Variants in PPP1R3A observed in about 807,000 individuals in gnomAD.
PPP1R3A encodes the protein protein phosphatase 1 regulatory subunit 3A, also known as RG1.
PPP1R3A carries 29 observed loss-of-function variants against 41.7 expected under a neutral mutation model. The ratio of observed to expected loss-of-function variants is 0.70; its 90% confidence interval spans 0.52 to 0.95. The LOEUF is 0.95. Among genes scored for constraint, PPP1R3A ranks in the 40% least tolerant of loss-of-function variants. PPP1R3A has a pLI of 0.00. For synonymous variants in PPP1R3A, 485 were observed against 453.4 expected, an observed-to-expected ratio of 1.07 and a Z score of -0.89; for missense variants, 1,352 against 1,292.4, an observed-to-expected ratio of 1.05 and a Z score of -0.71.
At chr7:113,901,777 C>A (rs545916114) in intron 1 of PPP1R3A, among the ~76,000 whole-genome samples, 14 of 151,750 alleles carry the variant, frequency 9.2e-5, no homozygotes, top group African/African-American at 2.9e-4. Flanking sequence ...CCCCTGAAAA[C>A]CAACATACTC....
At chr7:113,904,071 T>C (rs1241685075) in intron 1 of PPP1R3A, among the ~76,000 whole-genome samples, 3 of 151,754 alleles carry the variant, frequency 2.0e-5, no homozygotes, top group Non-Finnish European at 4.4e-5. Flanking sequence ...TGTTTCACTC[T>C]ATTTGGTAAA....
Position 113,880,115 on chromosome 7 carries a change from T to G in PPP1R3A, c.977A>C (p.His326Pro). 6.3e-7 allele frequency: 1 copy of G among 1,593,434 alleles called. No individual in the cohort carries two copies. Among genetic ancestry groups the G allele is most frequent in the Non-Finnish European group, 8.6e-7 (1 of 1,162,016 alleles). Residue 326 changes from histidine to proline, a missense_variant, in exon 4 of 4, where the codon CAC (histidine) becomes CCC (proline). By Grantham distance (77) the His-to-Pro change is moderately conservative (BLOSUM62 -2). Coordinates refer to ENST00000284601, the MANE Select transcript of PPP1R3A (RefSeq NM_002711.4). ...EKELELMINQ[H>P]LIRTRSTASR... ...AGCAGTACTTCTGGTTCTTATTAAGTGTTGATTTATCTTATGGGATAAAAA... is the reference window on the plus strand; with the variant it reads ...AGCAGTACTTCTGGTTCTTATTAAGGGTTGATTTATCTTATGGGATAAAAA...
chr7:113,877,476 C>T lies in PPP1R3A; in HGVS notation c.*247G>A. ...TTCATAGCCTGCTAAGGAGCAACAG[C>T]TGTACCTAATTTCAACTTGACGTGC... is the stretch of plus-strand genomic sequence containing the variant. On this transcript the variant is annotated 3_prime_UTR_variant, in exon 4 of 4. Coordinates refer to ENST00000284601, the MANE Select transcript of PPP1R3A (RefSeq NM_002711.4). 2 of 372,812 alleles carry T rather than the reference C, an allele frequency of 5.4e-6. No individual in the cohort carries two copies. The highest frequency in any genetic ancestry group is 9.6e-6 in the Non-Finnish European group (2 of 209,358). 23.1% of individuals were successfully genotyped at this position (372,812 alleles called of 1,614,324 possible).
Position 113,877,658 on chromosome 7 carries a change from A to C in PPP1R3A, c.*65T>G. The C allele has an allele frequency of 2.0e-6, 3 of 1,478,878 alleles. No individual in the cohort carries two copies. Among genetic ancestry groups the C allele is most frequent in the Non-Finnish European group, 2.7e-6 (3 of 1,102,992 alleles). 91.6% of individuals were successfully genotyped at this position (1,478,878 alleles called of 1,614,324 possible). On this transcript the variant is annotated 3_prime_UTR_variant, in exon 4 of 4. Transcript: ENST00000284601. ...GGATCTTTGAACAATGAATAGTCCC[A>C]TTCACCAATCCAAATGTTTGGGGTT...
rs147956925 is a variant in PPP1R3A, at chr7:113,909,950, G to A, written c.782+8265C>T. ...CTAATAAAGAGATACCTGAGACTAC[G>A]TAACTTATAAAGGAAAGAGGTTTAA... On this transcript the variant is annotated intron_variant, in intron 1 of 3. Transcript: ENST00000284601. Among the ~76,000 whole-genome samples the A allele has an allele frequency of 1.1e-3, 171 of 152,122 alleles. 1 individual carries two copies. Among genetic ancestry groups the A allele is most frequent in the African/African-American group, 4.0e-3 (168 of 41,544 alleles).
chr7:113,883,086 A>T (rs1292902078), intron 1 of PPP1R3A, among the ~76,000 whole-genome samples: 1 of 152,032 alleles, frequency 6.6e-6, no homozygotes, highest in Non-Finnish European at 1.5e-5. Context: ...ATCTATTTGT[A>T]GTTGTATTTG....
chr7:113,878,525 T>C lies in PPP1R3A; in HGVS notation c.2567A>G (p.Gln856Arg), dbSNP rs1796613165. 6.2e-7 allele frequency: 1 copy of C among 1,613,594 alleles called. No homozygotes were observed. Among genetic ancestry groups the C allele is most frequent in the East Asian group, 2.2e-5 (1 of 44,832 alleles). The change falls in exon 4 of 4, where the codon CAA becomes CGA. Residue 856 changes from glutamine to arginine, a missense_variant. Transcript: ENST00000284601. ...EESSWVITEY[Q>R]KATSKLDLQL... is the part of the protein sequence containing the mutation. ...TAAATCCAGTTTTGAAGTTGCTTTTTGATATTCTGTAATGACCCATGAGGA... is the reference window on the plus strand; with the variant it reads ...TAAATCCAGTTTTGAAGTTGCTTTTCGATATTCTGTAATGACCCATGAGGA...
intron 1 of PPP1R3A, among the ~76,000 whole-genome samples, chr7:113,883,287 A>G (rs1255190321): frequency 6.6e-6 from 1 of 151,982 alleles, no homozygotes; most frequent in Non-Finnish European, 1.5e-5. Flanking sequence ...CTGCAACAAA[A>G]GAAATCTGGA....
At position 113,879,115 on chromosome 7, in the gene PPP1R3A, C is replaced by T; in HGVS notation, c.1977G>A (p.Leu659=). ...SPQHKQSWNV[L]ESQGKSRENK... ...TCTCTCTTGATTTTCCCTGACTTTCCAGAACATTCCAACTTTGTTTATGCT... is the reference window on the plus strand; with the variant it reads ...TCTCTCTTGATTTTCCCTGACTTTCTAGAACATTCCAACTTTGTTTATGCT... Residue 659 remains leucine, a synonymous_variant, in exon 4 of 4, where the codon CTG becomes CTA. Transcript: ENST00000284601. The T allele has an allele frequency of 6.2e-7, 1 of 1,613,678 alleles. No homozygotes were observed. The highest frequency in any genetic ancestry group is 8.5e-7 in the Non-Finnish European group (1 of 1,179,790).
intron 1 of PPP1R3A, among the ~76,000 whole-genome samples, chr7:113,899,135 T>A (rs899208844): frequency 6.6e-6 from 1 of 151,736 alleles, no homozygotes; most frequent in African/African-American, 2.4e-5. Flanking sequence ...TGGATCCTAT[T>A]TGCCCCTTCT....
intron 1 of PPP1R3A, among the ~76,000 whole-genome samples, chr7:113,891,101 A>G: frequency 8.7e-6 from 1 of 115,486 alleles, no homozygotes; most frequent in Admixed American, 9.0e-5. Context: ...AAAAAAAAAA[A>G]AAAAAAAAAA....
intron 1 of PPP1R3A, among the ~76,000 whole-genome samples, chr7:113,895,302 A>G (rs1158927090): frequency 1.3e-5 from 2 of 152,004 alleles, no homozygotes; most frequent in East Asian, 3.9e-4. Flanking sequence ...GCAATGCTTC[A>G]ATATGTTTTA....
chr7:113,918,285 G>T lies in PPP1R3A; in HGVS notation c.712C>A (p.Pro238Thr). 1 of 1,611,866 alleles carries T rather than the reference G, an allele frequency of 6.2e-7. No homozygotes were observed. The highest frequency in any genetic ancestry group is 8.5e-7 in the Non-Finnish European group (1 of 1,179,118). ...TFICQKKEQE[P>T]EPVKPWKEVP... Reference sequence around the variant, plus strand: ...TCTTTCCATGGTTTTACAGGCTCCGGCTCTTGTTCTTTCTTTTGACAAATG... The same window carrying T: ...TCTTTCCATGGTTTTACAGGCTCCGTCTCTTGTTCTTTCTTTTGACAAATG... Residue 238 changes from proline to threonine, a missense_variant, in exon 1 of 4, where the codon CCG becomes ACG. Coordinates refer to ENST00000284601, the MANE Select transcript of PPP1R3A (RefSeq NM_002711.4).
chr7:113,903,578 C>T (rs1212745694), intron 1 of PPP1R3A, among the ~76,000 whole-genome samples: 2 of 151,688 alleles, frequency 1.3e-5, no homozygotes, highest in African/African-American at 4.8e-5. Context: ...CAATGCAAAA[C>T]CTCTTAGCAG....
In PPP1R3A at chr7:113,877,815, C is replaced by A. The variant is rs1157758142; in HGVS notation, c.3277G>T (p.Asp1093Tyr). Residue 1093 changes from aspartate to tyrosine, a missense_variant, in exon 4 of 4, where the codon GAC becomes TAC. Physicochemically the swap from Asp to Tyr is radical, Grantham distance 160. Coordinates refer to ENST00000284601, the MANE Select transcript of PPP1R3A (RefSeq NM_002711.4). ...LIFLITVYHY[D>Y]LMIGLTFYVL... is the part of the protein sequence containing the mutation. ...TAGAATGTCAAGCCAATCATTAAGT[C>A]ATAATGGTAGACAGTTATAAGAAAT... The A allele has an allele frequency of 6.2e-7, 1 of 1,608,252 alleles. No homozygotes were observed. Among genetic ancestry groups the A allele is most frequent in the Non-Finnish European group, 8.5e-7 (1 of 1,175,550 alleles).
At chr7:113,885,397 T>G (rs1034867568) in intron 1 of PPP1R3A, among the ~76,000 whole-genome samples, 2 of 152,118 alleles carry the variant, frequency 1.3e-5, no homozygotes, top group African/African-American at 4.8e-5. Flanking sequence ...GTAAAAACAC[T>G]TTGAAAAACA....
intron 1 of PPP1R3A, among the ~76,000 whole-genome samples, chr7:113,890,997 A>G (rs1041713147): frequency 1.2e-4 from 18 of 148,312 alleles, no homozygotes; most frequent in Non-Finnish European, 1.0e-4. Flanking sequence ...CCAACCAACT[A>G]GTGGCAAATC....
rs1796656686 is a variant in PPP1R3A, at chr7:113,879,829, A to G, written c.1263T>C (p.Asp421=). The change falls in exon 4 of 4, where the codon GAT becomes GAC. Residue 421 remains aspartate, a synonymous_variant. Coordinates refer to ENST00000284601, the MANE Select transcript of PPP1R3A (RefSeq NM_002711.4). ...ATTGCACTAGTTCATCACTACTAGT[A>G]TCTCCCAATGATGGCTTGATTTCTC... ...NMGEIKPSLG[D]TSSDELVQLH... The G allele has an allele frequency of 1.2e-6, 2 of 1,613,428 alleles. No homozygotes were observed. The highest frequency in any genetic ancestry group is 8.5e-7 in the Non-Finnish European group (1 of 1,179,578).
In PPP1R3A at chr7:113,899,519, G is replaced by GTTGTT. The variant is rs529440953; in HGVS notation, c.783-17200_783-17199insAACAA. ...TACTTCATGCCACATTTTCCAAAGT[G>GTTGTT]TTATTTGGATTTACTAATTTTTGTT... On this transcript the variant is annotated intron_variant, in intron 1 of 3. Coordinates refer to ENST00000284601, the MANE Select transcript of PPP1R3A (RefSeq NM_002711.4). 2.9e-3 allele frequency among the ~76,000 whole-genome samples: 435 copies of GTTGTT among 151,796 alleles called. 2 individuals are homozygous for GTTGTT. The highest frequency in any genetic ancestry group is 0.01 in the African/African-American group (416 of 41,482).
Sources: gnomAD v4.1 joint callset for allele counts (sites outside exome capture counted in the v4.1 genomes callset) on GRCh38, gnomAD v4.1.1 for gene constraint, MANE v1.5 for transcripts, NCBI Gene and HGNC (gene_info 2026-07-23, HGNC 2026-07-21) for gene names.